Variants in P2RX3 observed in about 807,000 individuals in gnomAD.
P2RX3 encodes the protein P2X purinoceptor 3.
A neutral mutation model predicts 51.5 loss-of-function variants in P2RX3; 41 were observed. That is an observed-to-expected ratio of 0.80 (90% CI 0.62 to 1.03). P2RX3 has a LOEUF of 1.03. P2RX3 is among the 50% of genes least tolerant of loss of function. The pLI is 0.00. For missense variants in P2RX3, 459 were observed against 522.1 expected (o/e 0.88, Z 1.18); for synonymous variants, 185 against 191.6 (o/e 0.97, Z 0.29).
At chr11:57,358,887 TCA>T (rs950985078) in intron 8 of P2RX3, among the ~76,000 whole-genome samples, 1 of 152,082 alleles carries the variant, frequency 6.6e-6, no homozygotes, top group African/African-American at 2.4e-5. Flanking sequence ...GCACGCACAC[TCA>T]CACACACACG....
rs752205566 is a variant in P2RX3, at chr11:57,369,906, T to C, written c.1103T>C (p.Ile368Thr). 1.9e-6 allele frequency: 3 copies of C among 1,613,588 alleles called. No individual in the cohort carries two copies. In the East Asian group the frequency reaches 6.7e-5, roughly 36 times the overall value. Residue 368 changes from isoleucine to threonine, a missense_variant, in exon 12 of 12, where the codon ATC (isoleucine) becomes ACC (threonine). By Grantham distance (89) the Ile-to-Thr change is moderately conservative. Transcript: ENST00000263314. The stretch of plus-strand genomic sequence containing the variant: ...CAGGTGAATGAGACTACGCTGAAAA[T>C]CGCGGCTTTGACCAACCCAGTGTAC... The part of the protein sequence containing the change: ...FEEVNETTLK[I>T]AALTNPVYPS...
chr11:57,370,223 T>A lies in P2RX3; in HGVS notation c.*226T>A. 1 of 530,926 alleles carries A rather than the reference T, an allele frequency of 1.9e-6. No homozygotes were observed. Among genetic ancestry groups the A allele is most frequent in the Non-Finnish European group, 3.4e-6 (1 of 297,202 alleles). The allele number at this position is 530,926 out of a possible 1,614,324, so 32.9% of individuals were successfully genotyped here. On this transcript the variant is annotated 3_prime_UTR_variant, in exon 12 of 12. Transcript: ENST00000263314. ...CACTCCTTGCCTGGCCCCATCTGCT[T>A]CCTAGGACCCCTGGGGCAGGAGCAC...
At chr11:57,369,208 T>C (rs145821045) in intron 10 of P2RX3, among the ~76,000 whole-genome samples, 153 bp from the exon 11 acceptor site, 26 of 152,300 alleles carry the variant, frequency 1.7e-4, no homozygotes, top group African/African-American at 5.3e-4. Flanking sequence ...ATTCAAACCA[T>C]AGCACTATCC....
intron 8 of P2RX3, among the ~76,000 whole-genome samples, chr11:57,365,029 G>A (rs1329882784): frequency 2.6e-5 from 4 of 152,098 alleles, no homozygotes; most frequent in African/African-American, 2.4e-5. Flanking sequence ...AGCCTTACTC[G>A]AGCAACAGGT....
chr11:57,350,435 A>AC (rs1218504633), intron 7 of P2RX3: 1 of 251,270 alleles, frequency 4.0e-6, no homozygotes, highest in Non-Finnish European at 7.8e-6. Context: ...AGTAGCTGGG[A>AC]CCAAGCCCGG....
intron 8 of P2RX3, among the ~76,000 whole-genome samples, chr11:57,360,712 T>G (rs1380200535): frequency 6.6e-6 from 1 of 150,634 alleles, no homozygotes; most frequent in African/African-American, 2.4e-5. Context: ...GGAGATGCAC[T>G]TGAACCCAGC....
chr11:57,349,626 G>A (rs1429971378), intron 6 of P2RX3, 131 bp from the exon 7 acceptor site: 2 of 1,054,720 alleles, frequency 1.9e-6, no homozygotes, highest in African/African-American at 3.2e-5. Flanking sequence ...AGGGGAGGGA[G>A]ATGGCGAGGT....
intron 8 of P2RX3, among the ~76,000 whole-genome samples, chr11:57,353,837 T>TCCCCCCC (rs3837409): frequency 3.4e-4 from 41 of 120,886 alleles, no homozygotes; most frequent in African/African-American, 6.7e-4. Flanking sequence ...CAAATGTCAC[T>TCCCCCCC]CCCCCCCCCC....
At chr11:57,361,296 TTTTAAG>T (rs1590637701) in intron 8 of P2RX3, among the ~76,000 whole-genome samples, 2 of 152,310 alleles carry the variant, frequency 1.3e-5, no homozygotes, top group South Asian at 4.1e-4. Context: ...CTTTTTTTTT[TTTTAAG>T]TTTAAGTTCT....
intron 4 of P2RX3, 74 bp from the exon 5 acceptor site, chr11:57,348,096 A>C: frequency 7.7e-7 from 1 of 1,302,006 alleles, no homozygotes; most frequent in Non-Finnish European, 1.1e-6. Flanking sequence ...GATGGGGGGA[A>C]GGGAAGAGGG....
rs376166852 is a variant in P2RX3, at chr11:57,347,158, G to A, written c.298G>A (p.Glu100Lys). The stretch of plus-strand genomic sequence containing the variant: ...CATCATCACCAAGATGATTGTTACT[G>A]AAAATCAGATGCAAGGATTCTGCCC... Reference protein sequence around the residue: ...FVIITKMIVTENQMQGFCPES... With the variant: ...FVIITKMIVTKNQMQGFCPES... Residue 100 changes from glutamate to lysine, a missense_variant, in exon 3 of 12, where the codon GAA (glutamate) becomes AAA (lysine). By Grantham distance (56) the Glu-to-Lys change is moderately conservative. Transcript: ENST00000263314. The A allele has an allele frequency of 3.0e-5, 48 of 1,613,644 alleles. No homozygotes were observed. In the African/African-American group the frequency reaches 3.2e-4, roughly 11 times the overall value.
chr11:57,353,445 A>C (rs561663058), intron 8 of P2RX3, among the ~76,000 whole-genome samples: 1 of 152,166 alleles, frequency 6.6e-6, no homozygotes, highest in Non-Finnish European at 1.5e-5. Context: ...TGGATTCAAA[A>C]CATATTTCTT....
chr11:57,337,156 G>C (rs1269893264), upstream of P2RX3, among the ~76,000 whole-genome samples: 12 of 151,862 alleles, frequency 7.9e-5, 1 homozygote, highest in Admixed American at 7.9e-4. Context: ...GCCAGGCGTG[G>C]TGGCGGGTGC....
chr11:57,351,597 A>G (rs1856549105), intron 8 of P2RX3, among the ~76,000 whole-genome samples: 1 of 152,190 alleles, frequency 6.6e-6, no homozygotes, highest in Non-Finnish European at 1.5e-5. Flanking sequence ...CTCCCATCCT[A>G]ATTTCCCCAC....
chr11:57,338,714 G>T (rs766327448), intron 1 of P2RX3, 45 bp downstream of exon 1: 2 of 1,365,918 alleles, frequency 1.5e-6, no homozygotes, highest in Non-Finnish European at 2.1e-6. Context: ...GGGCTGCCTG[G>T]TATCCCGTCT....
At chr11:57,364,418 T>A (rs1350199726) in intron 8 of P2RX3, among the ~76,000 whole-genome samples, 1 of 152,234 alleles carries the variant, frequency 6.6e-6, no homozygotes, top group Non-Finnish European at 1.5e-5. Context: ...TCTTCTCACC[T>A]GTCTCCTCAT....
chr11:57,362,901 C>A (rs974066873), intron 8 of P2RX3, among the ~76,000 whole-genome samples: 15 of 152,116 alleles, frequency 9.9e-5, no homozygotes, highest in Admixed American at 3.3e-4. Context: ...TTACTAATAT[C>A]ATTATCTACA....
rs1856451318 is a variant in P2RX3 at position 57,347,133 on chromosome 11, C to T, written c.273C>T (p.Val91=). Reference sequence around the variant, plus strand: ...CTCCCAAGGGCACCTCGGTCTTTGTCATCATCACCAAGATGATTGTTACTG... The same window carrying T: ...CTCCCAAGGGCACCTCGGTCTTTGTTATCATCACCAAGATGATTGTTACTG... ...VTPPQGTSVF[V]IITKMIVTEN... The change falls in exon 3 of 12, where the codon GTC becomes GTT. Residue 91 remains valine, a synonymous_variant. Coordinates refer to ENST00000263314, the MANE Select transcript of P2RX3 (RefSeq NM_002559.5). The T allele has an allele frequency of 5.0e-6, 8 of 1,613,730 alleles. No homozygotes were observed. The highest frequency in any genetic ancestry group is 6.8e-6 in the Non-Finnish European group (8 of 1,179,834).
At chr11:57,364,515 A>G (rs1485926837) in intron 8 of P2RX3, among the ~76,000 whole-genome samples, 2 of 152,176 alleles carry the variant, frequency 1.3e-5, no homozygotes, top group Non-Finnish European at 2.9e-5. Flanking sequence ...TTGGTGCTCT[A>G]TAAACAGTGG....
Sources: allele counts gnomAD v4.1 joint callset (sites outside exome capture counted in the v4.1 genomes callset), GRCh38; gene constraint gnomAD v4.1.1; transcripts MANE v1.5; gene names NCBI Gene and HGNC (gene_info 2026-07-23, HGNC 2026-07-21).